UBFD1: variants seen among roughly 807,000 people sequenced by gnomAD.
The protein encoded by UBFD1 is ubiquitin domain-containing protein UBFD1.
A neutral mutation model predicts 35.1 loss-of-function variants in UBFD1; 12 were observed. The observed-to-expected ratio is 0.34, with a 90% CI of 0.22 to 0.55. The LOEUF (loss-of-function observed/expected upper bound fraction) is 0.55. Among genes scored for constraint, UBFD1 ranks in the 20% least tolerant of loss-of-function variants. The pLI, the probability that UBFD1 is intolerant of heterozygous loss-of-function variation, is 0.89. For missense variants in UBFD1, 337 were observed against 410.8 expected (o/e 0.82, Z 1.55); for synonymous variants, 178 against 167.6 (o/e 1.06, Z -0.48).
rs1313849579 is a variant in UBFD1 at position 23,573,323 on chromosome 16, T to C, written c.*2733T>C. The C allele has an allele frequency of 6.6e-6, 1 of 152,212 alleles. No homozygotes were observed. Among genetic ancestry groups the C allele is most frequent in the Non-Finnish European group, 1.5e-5 (1 of 68,046 alleles). The allele number at this position is 152,212 out of a possible 1,614,324, so 9.4% of individuals were successfully genotyped here. ...ACATTGGACACCTCTCAGAGCCTCCTGAGGGCTTCTTTGTCTTCTAGAATC... is the reference window on the plus strand; with the variant it reads ...ACATTGGACACCTCTCAGAGCCTCCCGAGGGCTTCTTTGTCTTCTAGAATC... On this transcript the variant is annotated 3_prime_UTR_variant, in exon 7 of 7. Transcript: ENST00000395878.
At chr16:23,569,577 A>G (rs976130919) in intron 6 of UBFD1, 4 of 152,224 alleles carry the variant, frequency 2.6e-5, no homozygotes, top group African/African-American at 7.2e-5. Flanking sequence ...AATAAAATAC[A>G]GAAAAGAAAG....
chr16:23,559,989 A>G (rs1965905965), intron 3 of UBFD1: 1 of 1,007,160 alleles, frequency 9.9e-7, no homozygotes, highest in Non-Finnish European at 1.4e-6. Context: ...AGAGAAAACT[A>G]CCAGTACTAG....
chr16:23,570,441 C>T (rs1966068026), intron 6 of UBFD1, 39 bp from the exon 7 acceptor site: 1 of 1,513,596 alleles, frequency 6.6e-7, no homozygotes. Flanking sequence ...GGTCTCCCGA[C>T]CTCTGAAGTA....
chr16:23,557,840 G>A (rs1965838118), intron 1 of UBFD1, 73 bp downstream of exon 1: 1 of 1,267,438 alleles, frequency 7.9e-7, no homozygotes. Context: ...GATGCGGCCC[G>A]GCCCGGGAGG....
intron 5 of UBFD1, chr16:23,565,518 T>G (rs951297477): frequency 6.6e-6 from 1 of 152,208 alleles, no homozygotes; most frequent in Admixed American, 6.5e-5. Flanking sequence ...TCCAGACATT[T>G]CAGGATGAAA....
chr16:23,562,542 A>G, intron 4 of UBFD1, 83 bp from the exon 5 acceptor site: 1 of 1,298,244 alleles, frequency 7.7e-7, no homozygotes, highest in Non-Finnish European at 1.1e-6. Context: ...TGCTGGGATT[A>G]CAGGCGTGAG....
chr16:23,564,612 T>C (rs1965984964), intron 5 of UBFD1: 1 of 152,210 alleles, frequency 6.6e-6, no homozygotes, highest in South Asian at 2.1e-4. Flanking sequence ...TTCCTGCCTC[T>C]TGCTGGACCT....
Position 23,571,428 on chromosome 16 carries a change from A to G in UBFD1, c.*838A>G, listed in dbSNP as rs1367757864. On this transcript the variant is annotated 3_prime_UTR_variant, in exon 7 of 7. Coordinates refer to ENST00000395878, the MANE Select transcript of UBFD1 (RefSeq NM_019116.3). ...CATTGCTGGTTGGATGATTGTCTGCACCCCTCACTGAGCTTGGCCTAGAGG... is the reference window on the plus strand; with the variant it reads ...CATTGCTGGTTGGATGATTGTCTGCGCCCCTCACTGAGCTTGGCCTAGAGG... 6.6e-6 allele frequency: 1 copy of G among 152,312 alleles called. No individual in the cohort carries two copies. Among genetic ancestry groups the G allele is most frequent in the Non-Finnish European group, 1.5e-5 (1 of 68,130 alleles). 9.4% of individuals were successfully genotyped at this position (152,312 alleles called of 1,614,324 possible).
chr16:23,563,696 G>A (rs1325226364), intron 5 of UBFD1, among the ~76,000 whole-genome samples: 2 of 152,206 alleles, frequency 1.3e-5, no homozygotes, highest in East Asian at 3.9e-4. Flanking sequence ...AGCGTTCAGT[G>A]TTCTCAACAC....
Position 23,570,816 on chromosome 16 carries a change from T to A in UBFD1, c.*226T>A. ...CTTTCTTGCAGTCAGCTTCATACCA[T>A]TTTTAAAGTCAATACGATGGAAATC... On this transcript the variant is annotated 3_prime_UTR_variant, in exon 7 of 7. Coordinates refer to ENST00000395878, the MANE Select transcript of UBFD1 (RefSeq NM_019116.3). 2.5e-6 allele frequency: 1 copy of A among 403,914 alleles called. No individual in the cohort carries two copies. The highest frequency in any genetic ancestry group is 4.5e-6 in the Non-Finnish European group (1 of 223,704). The allele number at this position is 403,914 out of a possible 1,614,324, so 25.0% of individuals were successfully genotyped here.
chr16:23,562,501 C>T, intron 4 of UBFD1, 124 bp from the exon 5 acceptor site: 1 of 896,878 alleles, frequency 1.1e-6, no homozygotes, highest in Middle Eastern at 2.9e-4. Context: ...CTCCTGACCT[C>T]AGGTGATCTG....
rs752947655 is a variant in UBFD1 at position 23,558,023 on chromosome 16, C to G, written c.99C>G (p.Cys33Trp). 7.4e-7 allele frequency: 1 copy of G among 1,358,632 alleles called. No individual in the cohort carries two copies. Among genetic ancestry groups the G allele is most frequent in the Non-Finnish European group, 9.4e-7 (1 of 1,060,078 alleles). 84.2% of individuals were successfully genotyped at this position (1,358,632 alleles called of 1,614,324 possible). Reference protein sequence around the residue: ...ATEAPARPVNCLEAEAAAGAA... With the variant: ...ATEAPARPVNWLEAEAAAGAA... ...AGGCTCCCGCGCGGCCCGTCAACTG[C>G]CTGGAGGCTGAAGCCGCGGCGGGGG... The change falls in exon 2 of 7, where the codon TGC becomes TGG. Residue 33 changes from cysteine to tryptophan, a missense_variant. By Grantham distance (215) the Cys-to-Trp change is radical (BLOSUM62 -2). This residue lies in a region of UBFD1 where 198 missense variants were observed against 168.4 expected (regional missense o/e 1.18). Transcript: ENST00000395878.
intron 5 of UBFD1, 171 bp from the exon 6 acceptor site, chr16:23,566,816 C>A: frequency 1.6e-6 from 1 of 610,722 alleles, no homozygotes; most frequent in Non-Finnish European, 2.9e-6. Context: ...ACACGAAGCC[C>A]TATGTGCACT....
rs1028838491 is a variant in UBFD1, at chr16:23,572,888, C to G, written c.*2298C>G. The stretch of plus-strand genomic sequence containing the variant: ...GCTTCAACAATCTTGAGCTCTGTGG[C>G]TCCTCACCCTGTCTGCATGGAAGAC... On this transcript the variant is annotated 3_prime_UTR_variant, in exon 7 of 7. Transcript: ENST00000395878. 1 of 152,228 alleles carries G rather than the reference C, an allele frequency of 6.6e-6. No homozygotes were observed. The highest frequency in any genetic ancestry group is 1.5e-5 in the Non-Finnish European group (1 of 68,042). The allele number at this position is 152,228 out of a possible 1,614,324, so 9.4% of individuals were successfully genotyped here.
intron 5 of UBFD1, among the ~76,000 whole-genome samples, chr16:23,563,517 A>G (rs1268302298): frequency 6.6e-6 from 1 of 152,182 alleles, no homozygotes; most frequent in Non-Finnish European, 1.5e-5. Context: ...TGTGCCAGTT[A>G]AAGTTCCCAA....
chr16:23,562,322 C>A, intron 4 of UBFD1, 51 bp downstream of exon 4: 1 of 1,552,604 alleles, frequency 6.4e-7, no homozygotes, highest in Admixed American at 1.7e-5. Flanking sequence ...GCCCCACCGT[C>A]TGACTTGAGG....
chr16:23,560,138 A>G (rs189960712), intron 3 of UBFD1, among the ~76,000 whole-genome samples: 3 of 152,314 alleles, frequency 2.0e-5, no homozygotes, highest in East Asian at 1.9e-4. Flanking sequence ...AGGAAGCTAA[A>G]TGAAGCTGAG....
chr16:23,561,949 C>T (rs1965941186), intron 3 of UBFD1: 1 of 364,930 alleles, frequency 2.7e-6, no homozygotes, highest in African/African-American at 2.1e-5. Context: ...TTCAGTTCCT[C>T]AGTCATAGTA....
rs186586115 is a variant in UBFD1, at chr16:23,561,394, A to G, written c.565-812A>G. 1.7e-3 allele frequency among the ~76,000 whole-genome samples: 264 copies of G among 152,334 alleles called. 1 individual carries two copies. Among genetic ancestry groups the G allele is most frequent in the African/African-American group, 5.2e-3 (217 of 41,570 alleles). ...AGCCTTCCAAGCAGTGGCTATGCCT[A>G]TAAGGCCACAGATGGAGAAGAAAGA... is the stretch of plus-strand genomic sequence containing the variant. On this transcript the variant is annotated intron_variant, in intron 3 of 6. Coordinates refer to ENST00000395878, the MANE Select transcript of UBFD1 (RefSeq NM_019116.3).
Sources: allele counts gnomAD v4.1 joint callset (sites outside exome capture counted in the v4.1 genomes callset), GRCh38; gene constraint gnomAD v4.1.1; regional missense constraint gnomAD v4.1.1; transcripts MANE v1.5; gene names NCBI Gene and HGNC (gene_info 2026-07-23, HGNC 2026-07-21).